Variants in MACROD2 observed in about 807,000 individuals in gnomAD.
MACROD2 encodes mono-ADP ribosylhydrolase 2.
Under a neutral mutation model 70.4 loss-of-function variants are expected in MACROD2, and 36 were observed. That is an observed-to-expected ratio of 0.51 (90% CI 0.39 to 0.68). MACROD2 has a LOEUF of 0.68. Ranked by LOEUF, MACROD2 falls within the 30% of genes least tolerant of loss-of-function variation. The pLI is 0.00. For synonymous variants in MACROD2, 172 were observed against 178.8 expected (o/e 0.96, Z 0.30); for missense variants, 496 against 538.4 (o/e 0.92, Z 0.78).
rs777676276 is a variant in MACROD2 at position 15,431,366 on chromosome 20, T to G, written c.541-39T>G. ...AAAGATGATGTTGCGTAGAGTTGTT[T>G]CTTTAATATTCATTGTTATTTTTGT... On this transcript the variant is annotated intron_variant, in intron 6 of 17. Coordinates refer to ENST00000684519, the MANE Select transcript of MACROD2 (RefSeq NM_001351661.2). 5 of 1,577,924 alleles carry G rather than the reference T, an allele frequency of 3.2e-6. No individual in the cohort carries two copies. The Admixed American group carries it at 6.7e-5, about 21-fold the overall frequency.
At chr20:14,699,192 C>T (rs995458107) in intron 5 of MACROD2, among the ~76,000 whole-genome samples, 1 of 152,056 alleles carries the variant, frequency 6.6e-6, no homozygotes, top group South Asian at 2.1e-4. Flanking sequence ...ACAGAGTCAG[C>T]GTTCAAAGTC....
intron 4 of MACROD2, among the ~76,000 whole-genome samples, chr20:14,594,731 A>G (rs1568689050): frequency 6.6e-6 from 1 of 152,260 alleles, no homozygotes; most frequent in East Asian, 1.9e-4. Flanking sequence ...GTCTCTATTA[A>G]AAATACAAAA....
At chr20:15,971,857 G>T (rs1478323622) in intron 13 of MACROD2, among the ~76,000 whole-genome samples, 1 of 152,042 alleles carries the variant, frequency 6.6e-6, no homozygotes, top group Non-Finnish European at 1.5e-5. Flanking sequence ...CAGGAAGCAG[G>T]AAAGTATGAT....
chr20:14,809,240 G>C (rs1286847439), intron 5 of MACROD2, among the ~76,000 whole-genome samples: 1 of 152,094 alleles, frequency 6.6e-6, no homozygotes, highest in African/African-American at 2.4e-5. Flanking sequence ...CAGTTTCTCA[G>C]ACCACAGTGC....
At chr20:15,895,805 G>A (rs548328413) in intron 10 of MACROD2, among the ~76,000 whole-genome samples, 1 of 152,334 alleles carries the variant, frequency 6.6e-6, no homozygotes, top group South Asian at 2.1e-4. Flanking sequence ...CAATCTCCGG[G>A]TTGCCACTCC....
At chr20:14,038,204 G>A (rs2053343826) in intron 2 of MACROD2, among the ~76,000 whole-genome samples, 1 of 151,674 alleles carries the variant, frequency 6.6e-6, no homozygotes, top group Admixed American at 6.6e-5. Flanking sequence ...TGAGGCAGGA[G>A]AATTGCTTGA....
intron 8 of MACROD2, among the ~76,000 whole-genome samples, chr20:15,581,667 A>C (rs777446009): frequency 3.3e-5 from 5 of 152,188 alleles, no homozygotes; most frequent in Non-Finnish European, 4.4e-5. Context: ...TGAGGAGCTG[A>C]AACTCTGGCC....
At chr20:15,797,801 T>C (rs6131716) in intron 8 of MACROD2, among the ~76,000 whole-genome samples, 43,253 of 152,014 alleles carry the variant, frequency 0.28, 6,636 homozygotes, top group East Asian at 0.44. Flanking sequence ...TAAAGCAAAA[T>C]TTTGAGTCCC....
chr20:14,891,195 T>TA (rs2073755884), intron 5 of MACROD2, among the ~76,000 whole-genome samples: 1 of 152,132 alleles, frequency 6.6e-6, no homozygotes, highest in Non-Finnish European at 1.5e-5. Flanking sequence ...GATTTTCACT[T>TA]ATTTGATCTG....
intron 5 of MACROD2, among the ~76,000 whole-genome samples, chr20:15,035,783 C>T (rs1443475299): frequency 6.6e-6 from 1 of 152,186 alleles, no homozygotes; most frequent in Non-Finnish European, 1.5e-5. Context: ...TTTTCTCTCC[C>T]CAACTTGGGG....
At chr20:15,134,363 CTG>C (rs2076130153) in intron 5 of MACROD2, among the ~76,000 whole-genome samples, 1 of 151,680 alleles carries the variant, frequency 6.6e-6, no homozygotes, top group African/African-American at 2.4e-5. Flanking sequence ...TTATAACAAA[CTG>C]TCTCTCAGAC....
chr20:15,600,508 C>G (rs113816651), intron 8 of MACROD2, among the ~76,000 whole-genome samples: 25 of 152,124 alleles, frequency 1.6e-4, no homozygotes, highest in African/African-American at 6.0e-4. Flanking sequence ...TCCCCTTCTT[C>G]TTTCTCTATC....
chr20:14,899,021 A>T (rs1438280994), intron 5 of MACROD2, among the ~76,000 whole-genome samples: 2 of 152,126 alleles, frequency 1.3e-5, no homozygotes, highest in Admixed American at 1.3e-4. Context: ...AAATAATGCC[A>T]TTGTCAACAT....
intron 5 of MACROD2, among the ~76,000 whole-genome samples, chr20:14,960,540 G>A (rs1306173810): frequency 6.6e-6 from 1 of 152,110 alleles, no homozygotes; most frequent in African/African-American, 2.4e-5. Context: ...TTATATGGAG[G>A]ATTAATATGC....
chr20:15,773,109 T>A (rs1022633115), intron 8 of MACROD2, among the ~76,000 whole-genome samples: 43 of 152,122 alleles, frequency 2.8e-4, no homozygotes, highest in African/African-American at 1.0e-3. Context: ...AATCAGGAGG[T>A]TGCTATTATC....
At chr20:15,251,013 T>C (rs1319307422) in intron 6 of MACROD2, among the ~76,000 whole-genome samples, 1 of 152,080 alleles carries the variant, frequency 6.6e-6, no homozygotes, top group Non-Finnish European at 1.5e-5. Flanking sequence ...TGGGATGTAG[T>C]TTTTCCAAGA....
intron 3 of MACROD2, among the ~76,000 whole-genome samples, chr20:14,273,273 A>T (rs987779972): frequency 3.9e-5 from 6 of 152,192 alleles, no homozygotes; most frequent in African/African-American, 7.2e-5. Flanking sequence ...ATTTAAAAGA[A>T]CAGAAATTAT....
intron 7 of MACROD2, among the ~76,000 whole-genome samples, chr20:15,459,341 C>T (rs1195623387): frequency 6.6e-6 from 1 of 151,994 alleles, no homozygotes; most frequent in Non-Finnish European, 1.5e-5. Context: ...TATGGATGCT[C>T]ATTTGGTGTT....
At chr20:14,118,051 T>C (rs2054537089) in intron 3 of MACROD2, among the ~76,000 whole-genome samples, 1 of 152,248 alleles carries the variant, frequency 6.6e-6, no homozygotes, top group African/African-American at 2.4e-5. Flanking sequence ...TCTGTACTTC[T>C]GGTCTACAAA....
Sources: allele counts gnomAD v4.1 joint callset (sites outside exome capture counted in the v4.1 genomes callset), GRCh38; gene constraint gnomAD v4.1.1; transcripts MANE v1.5; gene names NCBI Gene and HGNC (gene_info 2026-07-23, HGNC 2026-07-21).